Variants in BCAS3 observed in about 807,000 individuals in gnomAD.
BCAS3 encodes the protein BCAS3 microtubule associated cell migration factor.
BCAS3 carries 53 observed loss-of-function variants against 116.1 expected under a neutral mutation model. That is an observed-to-expected ratio of 0.46 (90% CI 0.37 to 0.57). BCAS3 has a LOEUF of 0.57. BCAS3 is among the 20% of genes least tolerant of loss of function. BCAS3 has a pLI of 0.00. For missense variants in BCAS3, 917 were observed against 1,165.4 expected, an observed-to-expected ratio of 0.79 and a Z score of 3.10; for synonymous variants, 391 against 408.2, an observed-to-expected ratio of 0.96 and a Z score of 0.51.
intron 22 of BCAS3, chr17:61,353,941 T>A (rs555385931): frequency 6.6e-6 from 1 of 152,350 alleles, no homozygotes; most frequent in East Asian, 1.9e-4. Flanking sequence ...TCCACCCCCT[T>A]AGGCTGCAAG....
intron 22 of BCAS3, among the ~76,000 whole-genome samples, chr17:61,149,619 A>G (rs1176353355): frequency 2.6e-5 from 4 of 152,192 alleles, no homozygotes; most frequent in Non-Finnish European, 5.9e-5. Context: ...CAAATGTATC[A>G]AATCCTTGGA....
intron 22 of BCAS3, among the ~76,000 whole-genome samples, chr17:61,257,636 A>G (rs138286094): frequency 0.01 from 1,573 of 152,318 alleles, 12 homozygotes; most frequent in South Asian, 0.043. Flanking sequence ...TTCAAATAAT[A>G]GAAATCTTAA....
intron 22 of BCAS3, among the ~76,000 whole-genome samples, chr17:61,230,150 C>T (rs1390287650): frequency 3.0e-5 from 1 of 32,788 alleles, no homozygotes; most frequent in East Asian, 0.025. Context: ...TATACACACA[C>T]ACACACACAC....
intron 15 of BCAS3, among the ~76,000 whole-genome samples, chr17:61,010,484 A>G (rs1250711212): frequency 6.6e-6 from 1 of 150,798 alleles, no homozygotes; most frequent in Admixed American, 6.6e-5. Context: ...TTGTTTTCAT[A>G]ATTCCTTTTT....
At chr17:60,683,523 T>TGCC (rs1274282682) in intron 2 of BCAS3, among the ~76,000 whole-genome samples, 2 of 131,240 alleles carry the variant, frequency 1.5e-5, no homozygotes, top group African/African-American at 3.0e-5. Flanking sequence ...TTTTTTTTTT[T>TGCC]TTTTTTTTTT....
intron 23 of BCAS3, among the ~76,000 whole-genome samples, chr17:61,372,237 C>G (rs940751628): frequency 9.9e-5 from 15 of 152,180 alleles, no homozygotes; most frequent in African/African-American, 3.1e-4. Context: ...TCTTTTGCAG[C>G]AAAAGACAGT....
chr17:61,067,296 T>C (rs2070762460), intron 19 of BCAS3, among the ~76,000 whole-genome samples: 1 of 128,474 alleles, frequency 7.8e-6, no homozygotes, highest in Admixed American at 7.5e-5. Flanking sequence ...TATATATATA[T>C]ATATATATAT....
In BCAS3 at chr17:61,355,622, CT is replaced by C. The variant is rs762767505; in HGVS notation, c.2426-12704del. 1.4e-4 allele frequency among the ~76,000 whole-genome samples: 22 copies of C among 152,226 alleles called. No individual in the cohort carries two copies. The highest frequency in any genetic ancestry group is 3.9e-4 in the Admixed American group (6 of 15,284). On this transcript the variant is annotated intron_variant, in intron 22 of 23. Transcript: ENST00000407086. This position sits in a 1 kb window ranked among gnomAD's most constrained non-coding sequence, Gnocchi z 4.2. ...CTTCTCTCTGCCACAGTTCCTTGAA[CT>C]GTACAAATTGGAACAATAACATCCA...
chr17:61,206,616 G>A (rs2081141854), intron 22 of BCAS3, among the ~76,000 whole-genome samples: 2 of 151,736 alleles, frequency 1.3e-5, no homozygotes, highest in Non-Finnish European at 2.9e-5. Context: ...CCTGATCAAC[G>A]TGGTGAAACC....
chr17:61,067,740 A>T (rs183522099), intron 19 of BCAS3, among the ~76,000 whole-genome samples: 17,547 of 132,120 alleles, frequency 0.13, 2,142 homozygotes, highest in African/African-American at 0.35. Flanking sequence ...AAAAAAAAAA[A>T]ATATATATAT....
chr17:60,938,314 G>C (rs1015367275), intron 13 of BCAS3, among the ~76,000 whole-genome samples: 11 of 152,116 alleles, frequency 7.2e-5, no homozygotes, highest in Non-Finnish European at 1.0e-4. Flanking sequence ...ACCAAGAAAG[G>C]GTTTTTAGGG....
rs570435775 is a variant in BCAS3, at chr17:61,011,488, C to T, written c.1487-4263C>T. 3.3e-5 allele frequency among the ~76,000 whole-genome samples: 5 copies of T among 152,132 alleles called. No homozygotes were observed. In the South Asian group the frequency reaches 6.2e-4, roughly 19 times the overall value. ...TGAGACTAAGCAGAATAGTGAAAGC[C>T]GCAGACTCCAGTCATCTGGCAACCT... On this transcript the variant is annotated intron_variant, in intron 15 of 23. Transcript: ENST00000407086.
intron 4 of BCAS3, among the ~76,000 whole-genome samples, chr17:60,703,913 T>A: frequency 7.6e-6 from 1 of 132,286 alleles, no homozygotes. Context: ...ACAGACACCG[T>A]CTCAAAAAAA....
In BCAS3 at chr17:61,356,771, C is replaced by T. The variant is rs1399629012; in HGVS notation, c.2426-11556C>T. The T allele has an allele frequency of 1.3e-5, 2 of 152,216 alleles. No homozygotes were observed. Among genetic ancestry groups the T allele is most frequent in the African/African-American group, 2.4e-5 (1 of 41,450 alleles). 9.4% of individuals were successfully genotyped at this position (152,216 alleles called of 1,614,324 possible). ...TATGAAATTTGTACAGAGGTGGAATCGTTTCTGCCATTTTTCACACACAAG... is the reference window on the plus strand; with the variant it reads ...TATGAAATTTGTACAGAGGTGGAATTGTTTCTGCCATTTTTCACACACAAG... On this transcript the variant is annotated intron_variant, in intron 22 of 23. Coordinates refer to ENST00000407086, the MANE Select transcript of BCAS3 (RefSeq NM_017679.5). This position sits in a 1 kb window ranked among gnomAD's most constrained non-coding sequence, Gnocchi z 5.4.
chr17:60,863,610 T>C (rs1272753948), intron 7 of BCAS3, among the ~76,000 whole-genome samples: 1 of 151,904 alleles, frequency 6.6e-6, no homozygotes, highest in Non-Finnish European at 1.5e-5. Context: ...AAAAATTAGC[T>C]GAATATGGTG....
At chr17:60,928,203 A>ACCTT (rs1242359315) in intron 13 of BCAS3, among the ~76,000 whole-genome samples, 2 of 152,202 alleles carry the variant, frequency 1.3e-5, no homozygotes, top group Non-Finnish European at 2.9e-5. Context: ...TTAAGGAAGG[A>ACCTT]AAACCCTTTG....
intron 6 of BCAS3, among the ~76,000 whole-genome samples, chr17:60,802,838 A>C (rs750432205): frequency 6.6e-5 from 10 of 152,182 alleles, no homozygotes; most frequent in Admixed American, 1.3e-4. Context: ...CACATTGGCC[A>C]GGCTGGTCTT....
rs1445853510 is a variant in BCAS3, at chr17:61,239,381, TG to T, written c.2426-128945del. Among the ~76,000 whole-genome samples, 1 of 152,254 alleles carries T rather than the reference TG, an allele frequency of 6.6e-6. No homozygotes were observed. The highest frequency in any genetic ancestry group is 1.5e-5 in the Non-Finnish European group (1 of 68,052). ...TTAGCTCTACAGATTTTCAGCTTTT[TG>T]TTTTGGGGTTTTTTGTTTTGTTTTT... On this transcript the variant is annotated intron_variant, in intron 22 of 23. Coordinates refer to ENST00000407086, the MANE Select transcript of BCAS3 (RefSeq NM_017679.5). This position sits in a 1 kb window ranked among gnomAD's most constrained non-coding sequence, Gnocchi z 4.2.
At chr17:60,730,626 G>A (rs78736271) in intron 5 of BCAS3, among the ~76,000 whole-genome samples, 5,137 of 152,108 alleles carry the variant, frequency 0.034, 238 homozygotes, top group African/African-American at 0.1. Flanking sequence ...CTTTCAAAAG[G>A]ACTGCTCTTT....
Sources: gnomAD v4.1 joint callset for allele counts (sites outside exome capture counted in the v4.1 genomes callset) on GRCh38, gnomAD v4.1.1 for gene constraint, Gnocchi (gnomAD v3.1) non-coding constraint, MANE v1.5 for transcripts, NCBI Gene and HGNC (gene_info 2026-07-23, HGNC 2026-07-21) for gene names.